CFAP47: variants seen among roughly 807,000 people sequenced by gnomAD.
The protein encoded by CFAP47 is cilia and flagella associated protein 47.
Under a neutral mutation model 148.1 loss-of-function variants are expected in CFAP47, and 29 were observed. The observed-to-expected ratio is 0.20, with a 90% CI of 0.15 to 0.27. CFAP47 has a LOEUF of 0.27. Among genes scored for constraint, CFAP47 ranks in the 10% least tolerant of loss-of-function variants. The pLI, the probability that CFAP47 is intolerant of heterozygous loss-of-function variation, is 1.00. For synonymous variants in CFAP47, 664 were observed against 577.3 expected (o/e 1.15, Z -2.15); for missense variants, 1,872 against 1,697.5 (o/e 1.10, Z -1.81).
At chrX:36,115,581 G>C (rs1029421348) in intron 33 of CFAP47, among the ~76,000 whole-genome samples, 1 of 111,697 alleles carries the variant, frequency 9.0e-6, no homozygotes, top group African/African-American at 3.2e-5. Flanking sequence ...ATTCAGGCAG[G>C]TGAAACTGGA....
At chrX:36,353,026 CGT>C (rs1556017769) in intron 59 of CFAP47, among the ~76,000 whole-genome samples, 2 of 109,573 alleles carry the variant, frequency 1.8e-5, no homozygotes, top group African/African-American at 6.6e-5. Flanking sequence ...CATGTAAAAA[CGT>C]AATGAATCTA....
At chrX:36,237,512 T>C (rs1287665122) in intron 48 of CFAP47, among the ~76,000 whole-genome samples, 4 of 111,124 alleles carry the variant, frequency 3.6e-5, no homozygotes, top group African/African-American at 1.3e-4. Context: ...ATATTTTTTG[T>C]AGAGATGGGG....
At chrX:36,229,281 T>C (rs185937543) in intron 46 of CFAP47, among the ~76,000 whole-genome samples, 1 of 111,969 alleles carries the variant, frequency 8.9e-6, no homozygotes, top group Admixed American at 9.5e-5. Context: ...AGGGATAAAT[T>C]GCCTTTTTTG....
intron 46 of CFAP47, among the ~76,000 whole-genome samples, chrX:36,233,559 T>C (rs1309782535): frequency 1.8e-5 from 2 of 111,911 alleles, no homozygotes; most frequent in Admixed American, 9.5e-5. Flanking sequence ...GGGTCTTGAC[T>C]CTTTATCCAA....
intron 37 of CFAP47, among the ~76,000 whole-genome samples, chrX:36,154,249 C>T (rs1459645877): frequency 1.8e-5 from 2 of 112,454 alleles, no homozygotes; most frequent in Admixed American, 1.9e-4. Context: ...AGCCAATCCA[C>T]ACCTTTAACA....
At chrX:36,373,455 T>TTGTG (rs59261465) in intron 62 of CFAP47, among the ~76,000 whole-genome samples, 49 of 108,279 alleles carry the variant, frequency 4.5e-4, no homozygotes, top group Admixed American at 1.9e-3. Context: ...GCGTGTGTGT[T>TTGTG]TGTGTGTGTG....
At chrX:36,003,684 A>C (rs747503671) in intron 21 of CFAP47, among the ~76,000 whole-genome samples, 1 of 110,647 alleles carries the variant, frequency 9.0e-6, no homozygotes, top group African/African-American at 3.3e-5. Context: ...AATGGGCAAA[A>C]GCTGGAAGTG....
chrX:36,022,792 G>C (rs1394919388), intron 22 of CFAP47, among the ~76,000 whole-genome samples: 1 of 111,378 alleles, frequency 9.0e-6, no homozygotes, highest in Non-Finnish European at 1.9e-5. Context: ...TTCAGCTCCA[G>C]AATTTCTGGT....
chrX:36,156,137 G>A (rs1460595886), intron 37 of CFAP47, among the ~76,000 whole-genome samples: 1 of 110,751 alleles, frequency 9.0e-6, no homozygotes, highest in African/African-American at 3.3e-5. Context: ...GTTATTTTAG[G>A]TGGCTCTCTT....
rs181898410 is a variant in CFAP47 at position 36,201,751 on chromosome X, C to A, written c.6663+251C>A. Among the ~76,000 whole-genome samples the A allele has an allele frequency of 8.1e-5, 9 of 111,313 alleles. No homozygotes were observed. In the East Asian group the frequency reaches 2.6e-3, roughly 32 times the overall value. On this transcript the variant is annotated intron_variant, in intron 44 of 63. Coordinates refer to ENST00000378653, the MANE Select transcript of CFAP47 (RefSeq NM_001304548.2). ...GTAGTCATTAATTCACAGTAGTTTTCACTTCTGTTTGCACATTAGAGTGCC... is the reference window on the plus strand; with the variant it reads ...GTAGTCATTAATTCACAGTAGTTTTAACTTCTGTTTGCACATTAGAGTGCC...
intron 36 of CFAP47, 58 bp from the exon 37 acceptor site, chrX:36,149,050 T>C: frequency 3.5e-6 from 1 of 283,166 alleles, no homozygotes; most frequent in Non-Finnish European, 6.2e-6. Context: ...AGAAATGATA[T>C]AGTTGCATAG....
At chrX:36,131,143 T>C (rs1237627035) in intron 33 of CFAP47, among the ~76,000 whole-genome samples, 2 of 111,076 alleles carry the variant, frequency 1.8e-5, no homozygotes, top group Non-Finnish European at 3.8e-5. Context: ...TTATTTCACA[T>C]TGAATGCCTG....
intron 35 of CFAP47, among the ~76,000 whole-genome samples, chrX:36,143,363 T>C (rs1272286616): frequency 8.9e-6 from 1 of 112,025 alleles, no homozygotes; most frequent in African/African-American, 3.2e-5. Context: ...CTCTAAAAAC[T>C]GCTGCCAAAT....
At chrX:36,057,781 C>T (rs1461908047) in intron 26 of CFAP47, among the ~76,000 whole-genome samples, 1 of 111,363 alleles carries the variant, frequency 9.0e-6, no homozygotes, top group Non-Finnish European at 1.9e-5. Context: ...TTCCAAATTA[C>T]TAAATCTGGA....
At chrX:36,231,890 G>T (rs1940366751) in intron 46 of CFAP47, among the ~76,000 whole-genome samples, 1 of 111,369 alleles carries the variant, frequency 9.0e-6, no homozygotes, top group Admixed American at 9.5e-5. Flanking sequence ...TTTGTCTTTG[G>T]TTCTGCTTAT....
intron 42 of CFAP47, among the ~76,000 whole-genome samples, chrX:36,191,984 A>AAAC (rs1294927008): frequency 3.6e-5 from 4 of 110,598 alleles, no homozygotes; most frequent in African/African-American, 3.3e-5. Flanking sequence ...ACACTGTCTC[A>AAAC]AACAACAACA....
At chrX:36,286,270 T>A (rs1388933829) in intron 51 of CFAP47, among the ~76,000 whole-genome samples, 1 of 111,321 alleles carries the variant, frequency 9.0e-6, no homozygotes, top group African/African-American at 3.2e-5. Context: ...ATATTGCTAT[T>A]AACAATGTTT....
intron 37 of CFAP47, among the ~76,000 whole-genome samples, chrX:36,156,337 A>G (rs991025973): frequency 4.5e-5 from 5 of 111,170 alleles, no homozygotes; most frequent in African/African-American, 1.6e-4. Flanking sequence ...TCTGCCAGCT[A>G]TGGATTTAAA....
chrX:35,975,120 A>C, intron 13 of CFAP47, 27 bp from the exon 14 acceptor site: 1 of 970,009 alleles, frequency 1.0e-6, no homozygotes, highest in Non-Finnish European at 1.4e-6. Flanking sequence ...CTTTAAACTT[A>C]ACAAAATACT....
Sources: gnomAD v4.1 joint callset for allele counts (sites outside exome capture counted in the v4.1 genomes callset) on GRCh38, gnomAD v4.1.1 for gene constraint, MANE v1.5 for transcripts, NCBI Gene and HGNC (gene_info 2026-07-23, HGNC 2026-07-21) for gene names.